Variants in TMEM255B observed in about 807,000 individuals in gnomAD.
TMEM255B encodes family with sequence similarity 70, member B.
In TMEM255B, 35 loss-of-function variants were observed where a neutral mutation model predicts 34.5. The observed-to-expected ratio is 1.01, with a 90% confidence interval of 0.77 to 1.34. TMEM255B has a LOEUF of 1.34. TMEM255B is among the 40% of genes most tolerant of loss of function. The probability of loss-of-function intolerance (pLI) is 0.00; values close to 1 mark genes in which losing one functional copy is unlikely to be tolerated. For synonymous variants in TMEM255B, 206 were observed against 201.2 expected, an observed-to-expected ratio of 1.02 and a Z score of -0.20; for missense variants, 432 against 433.2, an observed-to-expected ratio of 1.00 and a Z score of 0.02.
chr13:113,766,326 T>G (rs1364848653), intron 2 of TMEM255B, 69 bp downstream of exon 2: 1 of 1,603,300 alleles, frequency 6.2e-7, no homozygotes, highest in African/African-American at 1.3e-5. Flanking sequence ...CAGGGTGGAG[T>G]CCACGCCAGC....
intron 8 of TMEM255B, among the ~76,000 whole-genome samples, chr13:113,808,616 G>A (rs995731541): frequency 1.3e-5 from 2 of 151,252 alleles, no homozygotes; most frequent in African/African-American, 4.9e-5. Context: ...GGTTCCAGGG[G>A]TATTTATTCC....
chr13:113,778,699 A>T (rs989719357), intron 3 of TMEM255B, among the ~76,000 whole-genome samples: 2 of 152,150 alleles, frequency 1.3e-5, no homozygotes, highest in Non-Finnish European at 2.9e-5. Context: ...ACCTGCTGTA[A>T]TGATATGACG....
chr13:113,774,961 C>G (rs1229852918), intron 3 of TMEM255B, among the ~76,000 whole-genome samples: 1 of 150,100 alleles, frequency 6.7e-6, no homozygotes. Context: ...ACACACGACA[C>G]ACACCACACA....
At chr13:113,789,117 C>T (rs2050787939) in intron 3 of TMEM255B, among the ~76,000 whole-genome samples, 1 of 151,896 alleles carries the variant, frequency 6.6e-6, no homozygotes, top group Non-Finnish European at 1.5e-5. Context: ...CCACCTTATC[C>T]CCTTCCTTCT....
chr13:113,810,573 T>C (rs184865096), intron 8 of TMEM255B, among the ~76,000 whole-genome samples: 53 of 152,286 alleles, frequency 3.5e-4, no homozygotes, highest in Non-Finnish European at 5.3e-4. Flanking sequence ...CTGATGACTG[T>C]GGGCTTCAGG....
chr13:113,798,886 T>C (rs186698673), intron 4 of TMEM255B, among the ~76,000 whole-genome samples: 163 of 152,026 alleles, frequency 1.1e-3, no homozygotes, highest in Non-Finnish European at 1.9e-3. Context: ...GGATGGATGG[T>C]TGGGTGGGTG....
At chr13:113,791,325 G>A (rs967235030) in intron 3 of TMEM255B, among the ~76,000 whole-genome samples, 7 of 152,252 alleles carry the variant, frequency 4.6e-5, no homozygotes, top group African/African-American at 1.7e-4. Flanking sequence ...ACTTCTGAAA[G>A]TGGCCGGGGC....
chr13:113,772,008 A>G (rs1290277059), intron 3 of TMEM255B, among the ~76,000 whole-genome samples: 2 of 152,314 alleles, frequency 1.3e-5, no homozygotes, highest in East Asian at 1.9e-4. Context: ...CCTCACCAGC[A>G]CTTGTCACTG....
chr13:113,766,331 G>C (rs748161923), intron 2 of TMEM255B, 74 bp downstream of exon 2: 4 of 1,599,358 alleles, frequency 2.5e-6, no homozygotes, highest in African/African-American at 2.7e-5. Context: ...TGGAGTCCAC[G>C]CCAGCTCACA....
intron 3 of TMEM255B, among the ~76,000 whole-genome samples, chr13:113,790,132 GC>G (rs2050805629): frequency 9.2e-6 from 1 of 108,884 alleles, no homozygotes. Flanking sequence ...ACATCCTAGT[GC>G]TGGACTGACC....
chr13:113,809,558 GGGGGGA>G (rs1467793282), intron 8 of TMEM255B, among the ~76,000 whole-genome samples: 1 of 101,240 alleles, frequency 9.9e-6, no homozygotes, highest in Non-Finnish European at 1.9e-5. Flanking sequence ...TGTGGTTCCT[GGGGGGA>G]GGGGTTACTC....
At chr13:113,787,193 C>T (rs533752770) in intron 3 of TMEM255B, among the ~76,000 whole-genome samples, 3 of 152,318 alleles carry the variant, frequency 2.0e-5, no homozygotes, top group East Asian at 1.9e-4. Flanking sequence ...CACGTGCACG[C>T]GCAGGGGTGT....
chr13:113,801,329 G>A lies in TMEM255B; in HGVS notation c.510-324G>A, dbSNP rs375094149. ...TGGGACAGGGGCCCGTGACCCCGAC[G>A]GCCTTCCCATCCTGGCGTGAAGACA... is the stretch of plus-strand genomic sequence containing the variant. On this transcript the variant is annotated intron_variant, in intron 6 of 8. Transcript: ENST00000375353. 4.7e-4 allele frequency among the ~76,000 whole-genome samples: 71 copies of A among 152,308 alleles called. No individual in the cohort carries two copies. In the East Asian group the frequency reaches 0.011, roughly 23 times the overall value.
intron 8 of TMEM255B, among the ~76,000 whole-genome samples, chr13:113,805,309 C>T (rs1302647066): frequency 1.3e-5 from 2 of 152,214 alleles, no homozygotes; most frequent in Non-Finnish European, 2.9e-5. Context: ...TGGGCAGCTC[C>T]CCGCTGCAGT....
At chr13:113,771,320 T>G (rs1216136922) in intron 3 of TMEM255B, among the ~76,000 whole-genome samples, 2 of 152,184 alleles carry the variant, frequency 1.3e-5, no homozygotes, top group Non-Finnish European at 2.9e-5. Flanking sequence ...CTGTGTCTGG[T>G]GTCTGGCACT....
intron 3 of TMEM255B, among the ~76,000 whole-genome samples, chr13:113,793,493 G>A (rs1388174640): frequency 6.6e-6 from 1 of 152,236 alleles, no homozygotes; most frequent in Non-Finnish European, 1.5e-5. Flanking sequence ...GTGCCAGCAG[G>A]TGGGAGAACC....
At chr13:113,780,602 G>GT (rs2048562814) in intron 3 of TMEM255B, among the ~76,000 whole-genome samples, 2 of 152,202 alleles carry the variant, frequency 1.3e-5, no homozygotes, top group Non-Finnish European at 2.9e-5. Context: ...AGTTCATGTA[G>GT]TTAATTCCTG....
At chr13:113,759,499 C>G (rs1056996762) in intron 1 of TMEM255B, among the ~76,000 whole-genome samples, 184 bp downstream of exon 1, 2 of 152,244 alleles carry the variant, frequency 1.3e-5, no homozygotes, top group African/African-American at 4.8e-5. Flanking sequence ...TGGGGTCGGG[C>G]GTTCGTCCTA....
Position 113,804,998 on chromosome 13 carries a change from G to A in TMEM255B, c.783G>A (p.Pro261=), listed in dbSNP as rs140039815. The change falls in exon 8 of 9, where the codon CCG becomes CCA. Residue 261 remains proline, a synonymous_variant. Transcript: ENST00000375353. ...AGFRLTPEPV[P]TCSSYPLPLQ... is the part of the protein sequence containing the mutation. Reference sequence around the variant, plus strand: ...TCCGCCTGACGCCCGAGCCCGTCCCGACCTGCTCGTCCTACCCTCTGCCCC... The same window carrying A: ...TCCGCCTGACGCCCGAGCCCGTCCCAACCTGCTCGTCCTACCCTCTGCCCC... The A allele has an allele frequency of 1.4e-3, 2,191 of 1,605,590 alleles. 2 individuals carry two copies. Among genetic ancestry groups the A allele is most frequent in the Non-Finnish European group, 1.7e-3 (1,965 of 1,179,184 alleles).
Sources: allele counts gnomAD v4.1 joint callset (sites outside exome capture counted in the v4.1 genomes callset), GRCh38; gene constraint gnomAD v4.1.1; transcripts MANE v1.5; gene names NCBI Gene and HGNC (gene_info 2026-07-23, HGNC 2026-07-21).